Variants in NCMAP observed in about 807,000 individuals in gnomAD.
NCMAP encodes non-compact myelin associated protein.
In NCMAP, 8 loss-of-function variants were observed where a neutral mutation model predicts 7.8. That is an observed-to-expected ratio of 1.02 (90% CI 0.60 to 1.84). The LOEUF is 1.84. Among genes scored for constraint, NCMAP ranks in the 40% most tolerant of loss-of-function variants. The pLI is 0.00. For missense variants in NCMAP, 112 were observed against 131.4 expected (o/e 0.85, Z 0.72); for synonymous variants, 41 against 52.9 (o/e 0.78, Z 0.98).
intron 2 of NCMAP, among the ~76,000 whole-genome samples, chr1:24,597,643 GA>G (rs1214582465): frequency 4.8e-5 from 6 of 126,110 alleles, no homozygotes; most frequent in Non-Finnish European, 1.6e-5. Flanking sequence ...AAGAAAGAAA[GA>G]AAGAAAGAAA....
chr1:24,586,686 C>T (rs1401579924), intron 1 of NCMAP, among the ~76,000 whole-genome samples: 2 of 149,758 alleles, frequency 1.3e-5, no homozygotes, highest in African/African-American at 4.9e-5. Context: ...CACTTGAACC[C>T]GGGAAACGGA....
At chr1:24,577,409 T>TTGTTTTG (rs1557596538) in intron 1 of NCMAP, among the ~76,000 whole-genome samples, 3 of 143,300 alleles carry the variant, frequency 2.1e-5, no homozygotes, top group Non-Finnish European at 4.6e-5. Flanking sequence ...TTGTTTTTTT[T>TTGTTTTG]TTTTTTTTTT....
chr1:24,584,077 C>T (rs2148931999), intron 1 of NCMAP, among the ~76,000 whole-genome samples: 1 of 152,308 alleles, frequency 6.6e-6, no homozygotes, highest in South Asian at 2.1e-4. Flanking sequence ...ATCGAGGTGG[C>T]ATTATTATCC....
intron 2 of NCMAP, among the ~76,000 whole-genome samples, chr1:24,600,170 A>C (rs2148938091): frequency 6.6e-6 from 1 of 150,872 alleles, no homozygotes; most frequent in East Asian, 2.0e-4. Flanking sequence ...TTATTTTTTG[A>C]GATAGAGTCT....
chr1:24,564,402 C>T (rs1373286852), intron 1 of NCMAP, among the ~76,000 whole-genome samples: 3 of 148,910 alleles, frequency 2.0e-5, no homozygotes, highest in Non-Finnish European at 3.0e-5. Flanking sequence ...TCCAGCTACT[C>T]GGGAGGCTGA....
At position 24,599,322 on chromosome 1, in the gene NCMAP, T is replaced by G. The variant is rs1016533695; in HGVS notation, c.83-1618T>G. On this transcript the variant is annotated intron_variant, in intron 2 of 3. Coordinates refer to ENST00000374392, the MANE Select transcript of NCMAP (RefSeq NM_001010980.5). ...AACAAGAAAGAAATTAAAATTGGAG[T>G]GTGACATTGGAGCTGAGAACTAATA... 3.4e-5 allele frequency among the ~76,000 whole-genome samples: 5 copies of G among 145,774 alleles called. No individual in the cohort carries two copies. The East Asian group carries it at 1.0e-3, about 30-fold the overall frequency.
At chr1:24,558,488 T>G (rs1650967356) in intron 1 of NCMAP, among the ~76,000 whole-genome samples, 2 of 152,158 alleles carry the variant, frequency 1.3e-5, no homozygotes, top group Non-Finnish European at 2.9e-5. Flanking sequence ...CTCTCACATT[T>G]TGTACCTCCA....
At position 24,606,383 on chromosome 1, in the gene NCMAP, A is replaced by C. The variant is rs1652734017; in HGVS notation, c.*636A>C. 1 of 152,384 alleles carries C rather than the reference A, an allele frequency of 6.6e-6. No individual in the cohort carries two copies. Among genetic ancestry groups the C allele is most frequent in the African/African-American group, 2.4e-5 (1 of 41,426 alleles). The allele number at this position is 152,384 out of a possible 1,614,324, so 9.4% of individuals were successfully genotyped here. On this transcript the variant is annotated 3_prime_UTR_variant, in exon 4 of 4. Transcript: ENST00000374392. ...TTCATTAGTAAAGAGTCAGTGATGGAATAGGGTGACTCTGCAGAATAGTGG... is the reference window on the plus strand; with the variant it reads ...TTCATTAGTAAAGAGTCAGTGATGGCATAGGGTGACTCTGCAGAATAGTGG...
chr1:24,584,779 A>G (rs1473655998), intron 1 of NCMAP, among the ~76,000 whole-genome samples: 2 of 152,116 alleles, frequency 1.3e-5, no homozygotes, highest in African/African-American at 4.8e-5. Context: ...TCCTCAGGAC[A>G]TAATCCCCTT....
In NCMAP at chr1:24,601,020, A is replaced by G. The variant is rs777038587; in HGVS notation, c.163A>G (p.Asn55Asp). Residue 55 changes from asparagine to aspartate, a missense_variant, in exon 3 of 4, where the codon AAC becomes GAC. By Grantham distance (23) the Asn-to-Asp change is conservative (BLOSUM62 1). Transcript: ENST00000374392. ...GGTTCTGATCCTGCTGAAGATGTAC[A>G]ACAGGTACGGATGCCCTGGGCTTTG... ...TVVLILLKMY[N>D]RKMRTRRELE... 10 of 1,613,802 alleles carry G rather than the reference A, an allele frequency of 6.2e-6. 1 individual carries two copies. In the South Asian group the frequency reaches 1.1e-4, roughly 18 times the overall value.
At position 24,569,508 on chromosome 1, in the gene NCMAP, A is replaced by C. The variant is rs139469932; in HGVS notation, c.-8+13339A>C. Among the ~76,000 whole-genome samples the C allele has an allele frequency of 9.2e-4, 139 of 150,714 alleles. 8 individuals carry two copies. The highest frequency in any genetic ancestry group is 3.3e-3 in the African/African-American group (132 of 40,014). On this transcript the variant is annotated intron_variant, in intron 1 of 3. Coordinates refer to ENST00000374392, the MANE Select transcript of NCMAP (RefSeq NM_001010980.5). ...TTCCCACCTCATAAAGTCCCAGTCAAATGATAATAGTAACAATGTTCATTG... is the reference window on the plus strand; with the variant it reads ...TTCCCACCTCATAAAGTCCCAGTCACATGATAATAGTAACAATGTTCATTG...
chr1:24,567,499 A>T (rs1474798672), intron 1 of NCMAP, among the ~76,000 whole-genome samples: 1 of 152,174 alleles, frequency 6.6e-6, no homozygotes, highest in Non-Finnish European at 1.5e-5. Context: ...CTGCTAAGTG[A>T]CTTATGCACA....
Position 24,595,460 on chromosome 1 carries a change from C to A in NCMAP, c.30C>A (p.Thr10=), listed in dbSNP as rs752915108. 1.2e-6 allele frequency: 2 copies of A among 1,613,894 alleles called. No individual in the cohort carries two copies. Among genetic ancestry groups the A allele is most frequent in the African/African-American group, 2.7e-5 (2 of 74,914 alleles). ...CCACAGCCACCCCTCTGGGGGATAC[C>A]ACCTTCTTCTCACTGAACATGACCA... MTTATPLGD[T]TFFSLNMTTR... is the part of the protein sequence containing the mutation. The change falls in exon 2 of 4, where the codon ACC becomes ACA. Residue 10 remains threonine, a synonymous_variant. Transcript: ENST00000374392.
At chr1:24,587,310 T>G (rs1651909162) in intron 1 of NCMAP, among the ~76,000 whole-genome samples, 1 of 152,014 alleles carries the variant, frequency 6.6e-6, no homozygotes, top group Non-Finnish European at 1.5e-5. Context: ...GGACATACAA[T>G]TGGTGTTTTG....
intron 3 of NCMAP, among the ~76,000 whole-genome samples, chr1:24,604,573 TAAAAAAAAAAAAAAAAA>T (rs1159689184): frequency 5.4e-3 from 60 of 11,032 alleles, no homozygotes; most frequent in South Asian, 0.015. Flanking sequence ...TAAGACTGTC[TAAAAAAAAAAAAAAAAA>T]AAAAAAAAAA....
At chr1:24,587,377 C>T (rs777951333) in intron 1 of NCMAP, among the ~76,000 whole-genome samples, 2 of 152,206 alleles carry the variant, frequency 1.3e-5, no homozygotes, top group Non-Finnish European at 2.9e-5. Context: ...TGGTTACCAA[C>T]CTACAGACAA....
rs937759575 is a variant in NCMAP at position 24,576,928 on chromosome 1, G to T, written c.-7-18496G>T. On this transcript the variant is annotated intron_variant, in intron 1 of 3. Coordinates refer to ENST00000374392, the MANE Select transcript of NCMAP (RefSeq NM_001010980.5). This position sits in a 1 kb window ranked among gnomAD's most constrained non-coding sequence, Gnocchi z 4.0. ...GGATCACCTGAGGTCAGGAGTTCAA[G>T]ACCAGCCTGGCTAACATGACGAAAT... is the stretch of plus-strand genomic sequence containing the variant. Among the ~76,000 whole-genome samples the T allele has an allele frequency of 5.3e-5, 8 of 152,086 alleles. No homozygotes were observed. The highest frequency in any genetic ancestry group is 1.2e-4 in the Non-Finnish European group (8 of 68,018).
In NCMAP at chr1:24,557,455, G is replaced by A. The variant is rs544330774; in HGVS notation, c.-8+1286G>A. 6.6e-5 allele frequency among the ~76,000 whole-genome samples: 10 copies of A among 150,816 alleles called. No individual in the cohort carries two copies. The South Asian group carries it at 1.2e-3, about 19-fold the overall frequency. On this transcript the variant is annotated intron_variant, in intron 1 of 3. Transcript: ENST00000374392. ...CATGTGGGTGTGTGCACGTGTGTGC[G>A]TGTGTGTGCGTGTGTGTGTTGGTGG...
chr1:24,594,526 T>G (rs1652154205), intron 1 of NCMAP, among the ~76,000 whole-genome samples: 1 of 152,022 alleles, frequency 6.6e-6, no homozygotes, highest in Non-Finnish European at 1.5e-5. Context: ...GTGTGTGAAG[T>G]CTCCTGAGAC....
Sources: gnomAD v4.1 joint callset for allele counts (sites outside exome capture counted in the v4.1 genomes callset) on GRCh38, gnomAD v4.1.1 for gene constraint, Gnocchi (gnomAD v3.1) non-coding constraint, MANE v1.5 for transcripts, NCBI Gene and HGNC (gene_info 2026-07-23, HGNC 2026-07-21) for gene names.